The following PDZRN3 variants were observed in gnomAD, a reference collection of about 807,000 sequenced individuals.
PDZRN3 encodes E3 ubiquitin-protein ligase PDZRN3.
Under a neutral mutation model 85.7 loss-of-function variants are expected in PDZRN3, and 38 were observed. The observed-to-expected ratio is 0.44, with a 90% CI of 0.34 to 0.58. The LOEUF (loss-of-function observed/expected upper bound fraction) is 0.58. Among genes scored for constraint, PDZRN3 ranks in the 20% least tolerant of loss-of-function variants. The probability of loss-of-function intolerance (pLI) is 0.01; values close to 1 mark genes in which losing one functional copy is unlikely to be tolerated. For missense variants in PDZRN3, 1,629 were observed against 1,506.4 expected, an observed-to-expected ratio of 1.08 and a Z score of -1.35; for synonymous variants, 759 against 638.0, an observed-to-expected ratio of 1.19 and a Z score of -2.86.
At chr3:73,479,210 C>T (rs1379542515) in intron 3 of PDZRN3, among the ~76,000 whole-genome samples, 5 of 152,188 alleles carry the variant, frequency 3.3e-5, no homozygotes, top group African/African-American at 7.2e-5. Flanking sequence ...AACCCAGCAA[C>T]TTCAAATAAA....
chr3:73,438,316 G>A (rs17754369), intron 3 of PDZRN3, among the ~76,000 whole-genome samples: 61,825 of 152,142 alleles, frequency 0.41, 15,079 homozygotes, highest in East Asian at 0.86. Flanking sequence ...GTCAGCAGAT[G>A]TAGACATGAA....
chr3:73,602,667 A>G (rs954760561), intron 2 of PDZRN3, among the ~76,000 whole-genome samples: 19 of 152,236 alleles, frequency 1.2e-4, no homozygotes, highest in African/African-American at 4.3e-4. Flanking sequence ...ACATAAAATG[A>G]TGCATCCCTG....
chr3:73,607,886 C>T (rs1702626468), intron 2 of PDZRN3, among the ~76,000 whole-genome samples: 1 of 152,110 alleles, frequency 6.6e-6, no homozygotes, highest in African/African-American at 2.4e-5. Flanking sequence ...TTTTCTTTTC[C>T]TTTAACTACT....
intron 3 of PDZRN3, among the ~76,000 whole-genome samples, chr3:73,528,346 T>G (rs75445620): frequency 6.6e-6 from 1 of 152,246 alleles, no homozygotes; most frequent in East Asian, 1.9e-4. Flanking sequence ...GAGAAAAACA[T>G]TTCAATGGGA....
chr3:73,453,343 T>C (rs1702906436), intron 3 of PDZRN3, among the ~76,000 whole-genome samples: 2 of 138,292 alleles, frequency 1.4e-5, no homozygotes, highest in African/African-American at 5.5e-5. Flanking sequence ...GAGGCGGAGG[T>C]TGCAGTGAGC....
intron 3 of PDZRN3, among the ~76,000 whole-genome samples, chr3:73,459,381 G>A (rs1297419254): frequency 1.3e-5 from 2 of 152,024 alleles, no homozygotes; most frequent in African/African-American, 4.8e-5. Flanking sequence ...TAAGTTCAAG[G>A]GTACATGTGC....
At chr3:73,474,407 CTTATAA>C (rs1703408168) in intron 3 of PDZRN3, 2 of 1,081,060 alleles carry the variant, frequency 1.9e-6, no homozygotes, top group South Asian at 2.8e-5. Flanking sequence ...ACAATCACAT[CTTATAA>C]TTATCTTATT....
intron 3 of PDZRN3, among the ~76,000 whole-genome samples, chr3:73,476,203 T>C (rs1575679062): frequency 6.6e-6 from 1 of 152,128 alleles, no homozygotes; most frequent in African/African-American, 2.4e-5. Flanking sequence ...AGAGGTTTAA[T>C]TGGCCCACAG....
In PDZRN3 at chr3:73,385,813, C is replaced by T. The variant is rs761203996; in HGVS notation, c.1519-28G>A. Reference sequence around the variant, plus strand: ...GCAGGCAAGAGCAGCCAACACATGCCTTAGAAGTTTCCTTTCATGTTCATT... The same window carrying T: ...GCAGGCAAGAGCAGCCAACACATGCTTTAGAAGTTTCCTTTCATGTTCATT... On this transcript the variant is annotated intron_variant, in intron 8 of 9. Coordinates refer to ENST00000263666, the MANE Select transcript of PDZRN3 (RefSeq NM_015009.3). 18 of 1,253,550 alleles carry T rather than the reference C, an allele frequency of 1.4e-5. 1 individual carries two copies. Among genetic ancestry groups the T allele is most frequent in the Non-Finnish European group, 2.0e-5 (17 of 856,008 alleles). 77.7% of individuals were successfully genotyped at this position (1,253,550 alleles called of 1,614,324 possible).
At chr3:73,399,749 C>A (rs1323464120) in intron 5 of PDZRN3, among the ~76,000 whole-genome samples, 2 of 152,152 alleles carry the variant, frequency 1.3e-5, no homozygotes, top group Non-Finnish European at 2.9e-5. Context: ...AGTGAGAATA[C>A]TGGCCATTGC....
Position 73,423,640 on chromosome 3 carries a change from T to TA in PDZRN3, c.919-19246dup, listed in dbSNP as rs561557217. Among the ~76,000 whole-genome samples the TA allele has an allele frequency of 7.8e-4, 119 of 152,374 alleles. 1 individual carries two copies. Among genetic ancestry groups the TA allele is most frequent in the African/African-American group, 2.9e-3 (119 of 41,588 alleles). On this transcript the variant is annotated intron_variant, in intron 3 of 9. Transcript: ENST00000263666. Reference sequence around the variant, plus strand: ...ATGTGTCTTCTTTTACAACAAATGTTACAGTTTGAGAAAATCTTTTTACAG... The same window carrying TA: ...ATGTGTCTTCTTTTACAACAAATGTTAACAGTTTGAGAAAATCTTTTTACAG...
chr3:73,481,916 C>A (rs911542841), intron 3 of PDZRN3, among the ~76,000 whole-genome samples: 1 of 152,204 alleles, frequency 6.6e-6, no homozygotes. Context: ...CTTCGCACCC[C>A]CACACAAAGC....
rs114751116 is a variant in PDZRN3, at chr3:73,531,779, C to T, written c.918+70575G>A. On this transcript the variant is annotated intron_variant, in intron 3 of 9. Coordinates refer to ENST00000263666, the MANE Select transcript of PDZRN3 (RefSeq NM_015009.3). ...AGTCTAATCAGCCTAATGTCTAGAC[C>T]GAGTGTCATCAATACTTTAGCTGCA... Among the ~76,000 whole-genome samples the T allele has an allele frequency of 2.0e-3, 304 of 152,242 alleles. 1 individual carries two copies. The highest frequency in any genetic ancestry group is 7.0e-3 in the African/African-American group (292 of 41,530).
intron 3 of PDZRN3, among the ~76,000 whole-genome samples, chr3:73,542,881 C>T (rs1475928674): frequency 6.6e-6 from 1 of 152,138 alleles, no homozygotes; most frequent in East Asian, 1.9e-4. Context: ...TGTGGAACGT[C>T]ATCATCAAAT....
intron 3 of PDZRN3, among the ~76,000 whole-genome samples, chr3:73,477,328 A>G (rs1703477088): frequency 6.6e-6 from 1 of 152,222 alleles, no homozygotes. Flanking sequence ...GAAGCAAAAA[A>G]TATAAATTCC....
At chr3:73,437,443 T>C (rs191417576) in intron 3 of PDZRN3, among the ~76,000 whole-genome samples, 1 of 152,146 alleles carries the variant, frequency 6.6e-6, no homozygotes, top group East Asian at 1.9e-4. Context: ...TACAAAAATG[T>C]TTTTGACCTC....
rs543930539 is a variant in PDZRN3, at chr3:73,476,937, T to G, written c.919-72542A>C. On this transcript the variant is annotated intron_variant, in intron 3 of 9. Coordinates refer to ENST00000263666, the MANE Select transcript of PDZRN3 (RefSeq NM_015009.3). ...TTCCAGGTTTATGACCCTCAGAAATTGTGTGAGACAATCGGTTTTTTTTAA... is the reference window on the plus strand; with the variant it reads ...TTCCAGGTTTATGACCCTCAGAAATGGTGTGAGACAATCGGTTTTTTTTAA... 3.2e-4 allele frequency among the ~76,000 whole-genome samples: 48 copies of G among 152,296 alleles called. No individual in the cohort carries two copies. In the South Asian group the frequency reaches 9.5e-3, roughly 30 times the overall value.
intron 3 of PDZRN3, among the ~76,000 whole-genome samples, chr3:73,523,005 G>GTTTT (rs377137629): frequency 1.3e-5 from 2 of 151,866 alleles, no homozygotes; most frequent in African/African-American, 2.4e-5. Context: ...AAAAGGAAGA[G>GTTTT]TTTTTTTTGT....
At chr3:73,539,417 C>T (rs114489644) in intron 3 of PDZRN3, among the ~76,000 whole-genome samples, 4 of 152,140 alleles carry the variant, frequency 2.6e-5, no homozygotes, top group African/African-American at 4.8e-5. Flanking sequence ...GAGGTGGAAT[C>T]GATTTCCTCA....
Sources: gnomAD v4.1 joint callset for allele counts (sites outside exome capture counted in the v4.1 genomes callset) on GRCh38, gnomAD v4.1.1 for gene constraint, MANE v1.5 for transcripts, NCBI Gene and HGNC (gene_info 2026-07-23, HGNC 2026-07-21) for gene names.